The following GLIS3 variants were observed in gnomAD, a reference collection of about 807,000 sequenced individuals.
GLIS3 encodes the protein zinc finger protein GLIS3.
GLIS3 carries 53 observed loss-of-function variants against 78.6 expected under a neutral mutation model. The observed-to-expected ratio is 0.67, with a 90% CI of 0.54 to 0.85. The LOEUF is 0.85. Among genes scored for constraint, GLIS3 ranks in the 40% least tolerant of loss-of-function variants. The pLI is 0.00. For synonymous variants in GLIS3, 684 were observed against 509.9 expected, an observed-to-expected ratio of 1.34 and a Z score of -4.60; for missense variants, 1,703 against 1,231.1, an observed-to-expected ratio of 1.38 and a Z score of -5.74.
chr9:4,191,723 T>G (rs904480273), intron 2 of GLIS3, among the ~76,000 whole-genome samples: 2 of 152,156 alleles, frequency 1.3e-5, no homozygotes, highest in African/African-American at 2.4e-5. Context: ...AACAAACAAG[T>G]CAATTAGTAA....
chr9:3,847,343 G>T (rs903295453), intron 9 of GLIS3, among the ~76,000 whole-genome samples: 2 of 152,184 alleles, frequency 1.3e-5, no homozygotes, highest in Non-Finnish European at 2.9e-5. Flanking sequence ...AGTCTAAGAA[G>T]CCATAAGCAA....
At chr9:4,262,767 T>G (rs2130038106) in intron 2 of GLIS3, among the ~76,000 whole-genome samples, 1 of 152,200 alleles carries the variant, frequency 6.6e-6, no homozygotes, top group African/African-American at 2.4e-5. Flanking sequence ...CACATTGATT[T>G]TTATACCACA....
chr9:3,824,749 T>A lies in GLIS3; in HGVS notation c.*3523A>T, dbSNP rs1817635671. 1 of 152,588 alleles carries A rather than the reference T, an allele frequency of 6.6e-6. No individual in the cohort carries two copies. Among genetic ancestry groups the A allele is most frequent in the South Asian group, 2.1e-4 (1 of 4,822 alleles). The allele number at this position is 152,588 out of a possible 1,614,324, so 9.5% of individuals were successfully genotyped here. A position where few individuals can be genotyped will look rare whatever the true frequency, so the allele number is the denominator to read the frequency against. On this transcript the variant is annotated 3_prime_UTR_variant, in exon 11 of 11. Transcript: ENST00000381971. Reference sequence around the variant, plus strand: ...ATTTCTCTACGTGAGTGTATATAACTATGTACAAGAGTCTGTGTGATTTAT... The same window carrying A: ...ATTTCTCTACGTGAGTGTATATAACAATGTACAAGAGTCTGTGTGATTTAT...
chr9:4,003,062 A>C lies in GLIS3; in HGVS notation c.1711-65873T>G, dbSNP rs561865488. Reference sequence around the variant, plus strand: ...GTTACCTGAAGCTGCAAGTATTTCTAATTTAATATACTACTTTTCAAAAGT... The same window carrying C: ...GTTACCTGAAGCTGCAAGTATTTCTCATTTAATATACTACTTTTCAAAAGT... On this transcript the variant is annotated intron_variant, in intron 4 of 10. Transcript: ENST00000381971. Among the ~76,000 whole-genome samples, 17 of 152,296 alleles carry C rather than the reference A, an allele frequency of 1.1e-4. No homozygotes were observed. The East Asian group carries it at 3.3e-3, about 29-fold the overall frequency.
intron 2 of GLIS3, among the ~76,000 whole-genome samples, chr9:4,345,683 A>G (rs1817888671): frequency 6.6e-6 from 1 of 152,210 alleles, no homozygotes; most frequent in African/African-American, 2.4e-5. Flanking sequence ...CTCCAAACTC[A>G]TTTTCCAGAG....
intron 2 of GLIS3, among the ~76,000 whole-genome samples, chr9:4,160,126 A>C (rs185488507): frequency 6.6e-6 from 1 of 152,198 alleles, no homozygotes; most frequent in Non-Finnish European, 1.5e-5. Flanking sequence ...TCCACTCCAC[A>C]AAATATTTTC....
At chr9:4,255,906 T>A (rs943526214) in intron 2 of GLIS3, among the ~76,000 whole-genome samples, 9 of 152,136 alleles carry the variant, frequency 5.9e-5, no homozygotes, top group African/African-American at 2.2e-4. Context: ...CTGTAACGAG[T>A]GTACTACTCT....
intron 9 of GLIS3, among the ~76,000 whole-genome samples, chr9:3,842,256 G>A (rs1036012158): frequency 2.3e-4 from 35 of 152,108 alleles, no homozygotes; most frequent in African/African-American, 8.2e-4. Context: ...GGTGGATCAC[G>A]AGGTCATGAG....
At chr9:3,958,967 A>G (rs1047816950) in intron 4 of GLIS3, among the ~76,000 whole-genome samples, 4 of 152,228 alleles carry the variant, frequency 2.6e-5, no homozygotes, top group East Asian at 1.9e-4. Flanking sequence ...AATCTTCAGT[A>G]AAGACTATAG....
intron 4 of GLIS3, among the ~76,000 whole-genome samples, chr9:4,076,538 T>C (rs1828070196): frequency 6.6e-6 from 1 of 152,210 alleles, no homozygotes. Flanking sequence ...TTGTAAACTA[T>C]ATTTAAAATA....
chr9:4,119,832 G>A (rs1832046210), intron 3 of GLIS3, among the ~76,000 whole-genome samples: 1 of 152,126 alleles, frequency 6.6e-6, no homozygotes, highest in Non-Finnish European at 1.5e-5. Flanking sequence ...AATTCATTTT[G>A]CTTTACTGTG....
rs562255063 is a variant in GLIS3, at chr9:4,337,624, G to A, written n.264+9457C>T. Among the ~76,000 whole-genome samples the A allele has an allele frequency of 7.9e-5, 12 of 152,242 alleles. No homozygotes were observed. The East Asian group carries it at 1.9e-3, about 24-fold the overall frequency. ...TTTTCTGACATGCTGAGTTGGACAA[G>A]GGCCTCAAGCATCACTGAAGTAAAA... On this transcript the variant is annotated intron_variant and non_coding_transcript_variant, in intron 2 of 4. Transcript: ENST00000471664.
the GLIS3 span, among the ~76,000 whole-genome samples, chr9:4,449,178 G>T: frequency 6.6e-6 from 1 of 152,176 alleles, no homozygotes; most frequent in East Asian, 1.9e-4. Flanking sequence ...TACCATGCAT[G>T]GCTTGGCGGA....
At chr9:3,942,479 CAAT>C (rs959769364) in intron 4 of GLIS3, among the ~76,000 whole-genome samples, 7 of 152,206 alleles carry the variant, frequency 4.6e-5, no homozygotes. Context: ...GTGACTTCCA[CAAT>C]AAGTCCAAGA....
chr9:4,448,206 T>C, the GLIS3 span, among the ~76,000 whole-genome samples: 1 of 152,234 alleles, frequency 6.6e-6, no homozygotes, highest in African/African-American at 2.4e-5. Context: ...ATATAATCGG[T>C]TCTTTGCTAA....
chr9:4,081,304 C>T (rs1354207522), intron 4 of GLIS3: 1 of 152,250 alleles, frequency 6.6e-6, no homozygotes, highest in Admixed American at 6.5e-5. Context: ...ACCACATTAA[C>T]CCTTTTTACC....
At chr9:4,086,770 A>T (rs930627214) in intron 4 of GLIS3, among the ~76,000 whole-genome samples, 9 of 152,210 alleles carry the variant, frequency 5.9e-5, no homozygotes, top group African/African-American at 1.4e-4. Context: ...CAGCATCATG[A>T]ACAACTTCAC....
chr9:4,416,826 T>G, the GLIS3 span, among the ~76,000 whole-genome samples: 53 of 149,244 alleles, frequency 3.6e-4, 1 homozygote, highest in Middle Eastern at 6.8e-3. Context: ...TTTTTTTTTT[T>G]TTTTTTTTTT....
chr9:4,468,097 A>T, the GLIS3 span, among the ~76,000 whole-genome samples: 1,356 of 152,224 alleles, frequency 8.9e-3, 12 homozygotes, highest in African/African-American at 0.031. Flanking sequence ...GAAAAAAGGG[A>T]AAAAAGAAAT....
Sources: gnomAD v4.1 joint callset for allele counts (sites outside exome capture counted in the v4.1 genomes callset) on GRCh38, gnomAD v4.1.1 for gene constraint, MANE v1.5 for transcripts, NCBI Gene and HGNC (gene_info 2026-07-23, HGNC 2026-07-21) for gene names.